RAI14: variants seen among roughly 807,000 people sequenced by gnomAD.
The protein encoded by RAI14 is retinoic acid induced 14.
RAI14 carries 45 observed loss-of-function variants against 115.4 expected under a neutral mutation model. That is an observed-to-expected ratio of 0.39 (90% confidence interval 0.31 to 0.50). The LOEUF (loss-of-function observed/expected upper bound fraction) is 0.50. Among genes scored for constraint, RAI14 ranks in the 20% least tolerant of loss-of-function variants. RAI14 has a pLI of 0.85. For missense variants in RAI14, 939 were observed against 1,131.2 expected (o/e 0.83, Z 2.44); for synonymous variants, 371 against 415.4 (o/e 0.89, Z 1.30).
intron 3 of RAI14, among the ~76,000 whole-genome samples, chr5:34,762,025 A>T (rs920674512): frequency 1.3e-5 from 2 of 152,248 alleles, no homozygotes; most frequent in Non-Finnish European, 2.9e-5. Flanking sequence ...CGTAGAGTAC[A>T]GTAAAGCTCC....
intron 12 of RAI14, among the ~76,000 whole-genome samples, chr5:34,816,374 G>A (rs889264372): frequency 5.3e-5 from 8 of 151,900 alleles, no homozygotes; most frequent in Non-Finnish European, 1.0e-4. Flanking sequence ...AGAAACTTGT[G>A]TTATTCTCTG....
At chr5:34,829,377 G>A (rs976785733) in intron 16 of RAI14, among the ~76,000 whole-genome samples, 2 of 151,922 alleles carry the variant, frequency 1.3e-5, no homozygotes, top group African/African-American at 2.4e-5. Context: ...TAGTAGAGAC[G>A]GGGTTTCACC....
At chr5:34,778,181 T>C (rs557479054) in intron 3 of RAI14, among the ~76,000 whole-genome samples, 1 of 152,332 alleles carries the variant, frequency 6.6e-6, no homozygotes, top group East Asian at 1.9e-4. Context: ...AAAATGACAG[T>C]GTGAAGTTTT....
chr5:34,757,744 C>G, intron 3 of RAI14, 146 bp downstream of exon 3: 1 of 1,079,158 alleles, frequency 9.3e-7, no homozygotes, highest in Non-Finnish European at 1.2e-6. Context: ...TAATCTAGTG[C>G]CTTTCTCTCC....
At chr5:34,716,153 G>A (rs904094553) in intron 2 of RAI14, 4 of 414,708 alleles carry the variant, frequency 9.6e-6, no homozygotes, top group South Asian at 3.6e-5. Flanking sequence ...GCAAATATTC[G>A]GTATTATAAA....
In RAI14 at chr5:34,796,044, C is replaced by G. The variant is rs1753487377; in HGVS notation, c.256+17C>G. 1.3e-6 allele frequency: 2 copies of G among 1,579,646 alleles called. No homozygotes were observed. Among genetic ancestry groups the G allele is most frequent in the East Asian group, 2.3e-5 (1 of 44,442 alleles). The stretch of plus-strand genomic sequence containing the variant: ...ATACTACCGGTATGTGGTTTTTAGT[C>G]TCTTAAGTCAGCAGGCCAGCACCAG... On this transcript the variant is annotated intron_variant, in intron 4 of 17. Coordinates refer to ENST00000265109, the MANE Select transcript of RAI14 (RefSeq NM_015577.3).
Position 34,824,339 on chromosome 5 carries a change from A to G in RAI14, c.2497A>G (p.Arg833Gly). The G allele has an allele frequency of 6.2e-7, 1 of 1,613,980 alleles. No individual in the cohort carries two copies. The highest frequency in any genetic ancestry group is 1.1e-5 in the South Asian group (1 of 91,056). The change falls in exon 15 of 18, where the codon AGA becomes GGA. Residue 833 changes from arginine (R) to glycine (G), a missense_variant. Arg to Gly is a moderately radical substitution (Grantham distance 125). Coordinates refer to ENST00000265109, the MANE Select transcript of RAI14 (RefSeq NM_015577.3). ...QIRSEVSQVK[R>G]EKENIQTLLK... ...TAGAAGTGAGGTCTCACAGGTGAAA[A>G]GAGAAAAGGAAAATATTCAGACTCT...
In RAI14 at chr5:34,799,532, ACACAC is replaced by A. The variant is rs1216717827; in HGVS notation, c.256+3506_256+3510del. 1.0e-3 allele frequency among the ~76,000 whole-genome samples: 82 copies of A among 82,202 alleles called. 1 individual carries two copies. The highest frequency in any genetic ancestry group is 3.2e-3 in the African/African-American group (75 of 23,380). 53.9% of individuals were successfully genotyped at this position (82,202 alleles called of 152,430 possible). ...CACACACACACACACACACACACAC[ACACAC>A]ACAAAACCACCTTTCAAAATCTATT... On this transcript the variant is annotated intron_variant, in intron 4 of 17. Coordinates refer to ENST00000265109, the MANE Select transcript of RAI14 (RefSeq NM_015577.3).
intron 4 of RAI14, among the ~76,000 whole-genome samples, chr5:34,799,685 A>ATTTTTTTTTTTTTTTTTTTTTTTTTTT (rs57115550): frequency 1.9e-5 from 2 of 103,398 alleles, no homozygotes; most frequent in African/African-American, 7.9e-5. Flanking sequence ...ATCTGTTAGC[A>ATTTTTTTTTTTTTTTTTTTTTTTTTTT]TTTTTTTTTT....
At chr5:34,713,275 A>G (rs1022871411) in intron 2 of RAI14, among the ~76,000 whole-genome samples, 8 of 152,148 alleles carry the variant, frequency 5.3e-5, no homozygotes, top group Admixed American at 2.6e-4. Context: ...AGTGGTGAAG[A>G]GGTTCAAAGA....
intron 3 of RAI14, among the ~76,000 whole-genome samples, chr5:34,775,999 C>T (rs893858061): frequency 4.6e-5 from 7 of 152,066 alleles, no homozygotes; most frequent in African/African-American, 1.7e-4. Context: ...TTCTCAGTAG[C>T]CATTATTTGG....
chr5:34,829,334 C>T (rs570494899), intron 16 of RAI14, among the ~76,000 whole-genome samples: 1 of 152,176 alleles, frequency 6.6e-6, no homozygotes, highest in South Asian at 2.1e-4. Context: ...ATTACAGGTA[C>T]TGACTACTAC....
chr5:34,739,108 G>A (rs755829432), intron 2 of RAI14, among the ~76,000 whole-genome samples: 11 of 152,168 alleles, frequency 7.2e-5, no homozygotes, highest in Non-Finnish European at 1.0e-4. Context: ...TCAAAATAAC[G>A]GAGTGGAATT....
chr5:34,739,762 G>T (rs1193072418), intron 2 of RAI14, among the ~76,000 whole-genome samples: 1 of 152,120 alleles, frequency 6.6e-6, no homozygotes. Context: ...GGATACAGAC[G>T]TAAAAGCCAT....
intron 9 of RAI14, 38 bp from the exon 10 acceptor site, chr5:34,812,142 G>C: frequency 2.0e-6 from 3 of 1,528,152 alleles, no homozygotes; most frequent in South Asian, 2.3e-5. Flanking sequence ...GAATCATTAT[G>C]CTTCTTATAG....
At chr5:34,789,929 C>A (rs1355590872) in intron 3 of RAI14, among the ~76,000 whole-genome samples, 1 of 152,190 alleles carries the variant, frequency 6.6e-6, no homozygotes, top group Non-Finnish European at 1.5e-5. Flanking sequence ...TCCTTAATAT[C>A]CTGCTTCTTG....
intron 3 of RAI14, among the ~76,000 whole-genome samples, chr5:34,792,473 A>G (rs895893293): frequency 4.6e-5 from 7 of 151,934 alleles, no homozygotes; most frequent in Non-Finnish European, 1.0e-4. Flanking sequence ...TGACCTCGTG[A>G]TCCGCCCACC....
intron 2 of RAI14, among the ~76,000 whole-genome samples, chr5:34,699,236 T>C (rs1739730890): frequency 6.6e-6 from 1 of 152,224 alleles, no homozygotes; most frequent in African/African-American, 2.4e-5. Flanking sequence ...ATTAGAGAAG[T>C]GCTGTATGTA....
chr5:34,721,039 A>G lies in RAI14; in HGVS notation c.36+34084A>G, dbSNP rs192259734. 5.9e-5 allele frequency among the ~76,000 whole-genome samples: 9 copies of G among 151,418 alleles called. No homozygotes were observed. The East Asian group carries it at 1.4e-3, about 23-fold the overall frequency. The stretch of plus-strand genomic sequence containing the variant: ...TGGGACTCCATGACAGCCCACAGAG[A>G]GGGGAGGAACAAAGACCTGCCTTCC... On this transcript the variant is annotated intron_variant, in intron 2 of 17. Transcript: ENST00000265109.
Sources: gnomAD v4.1 joint callset for allele counts (sites outside exome capture counted in the v4.1 genomes callset) on GRCh38, gnomAD v4.1.1 for gene constraint, MANE v1.5 for transcripts, NCBI Gene and HGNC (gene_info 2026-07-23, HGNC 2026-07-21) for gene names.